The following DOCK8 variants were observed in gnomAD, a reference collection of about 807,000 sequenced individuals.
DOCK8 encodes the protein dedicator of cytokinesis 8.
In DOCK8, 141 loss-of-function variants were observed where a neutral mutation model predicts 245.6. That is an observed-to-expected ratio of 0.57 (90% CI 0.50 to 0.66). The LOEUF (loss-of-function observed/expected upper bound fraction) is 0.66, where lower values mean the gene tolerates loss of function less well. Ranked by LOEUF, DOCK8 falls within the 30% of genes least tolerant of loss-of-function variation. The pLI is 0.00. For synonymous variants in DOCK8, 1,168 were observed against 970.2 expected (o/e 1.20, Z -3.79); for missense variants, 2,965 against 2,603.4 (o/e 1.14, Z -3.02).
At chr9:452,221 A>T in intron 46 of DOCK8, 104 bp downstream of exon 46, 1 of 752,628 alleles carries the variant, frequency 1.3e-6, no homozygotes, top group Non-Finnish European at 2.3e-6. Context: ...AGAAAGACAA[A>T]GTCTCAGGCA....
intron 2 of DOCK8, among the ~76,000 whole-genome samples, chr9:279,859 G>A (rs950154276): frequency 3.3e-5 from 5 of 152,202 alleles, no homozygotes; most frequent in Non-Finnish European, 7.4e-5. Context: ...AGCCTCCCCA[G>A]TGCTGTAACG....
In DOCK8 at chr9:447,751, T is replaced by C. The variant is rs117883553; in HGVS notation, c.5817+1145T>C. 2.8e-3 allele frequency among the ~76,000 whole-genome samples: 419 copies of C among 152,292 alleles called. 5 individuals are homozygous for C. Among genetic ancestry groups the C allele is most frequent in the Non-Finnish European group, 4.4e-3 (302 of 68,022 alleles). ...ACAAACACAGATGAATTGTGGTGAATATATACCTCATCAGGCAGAAGCAGA... is the reference window on the plus strand; with the variant it reads ...ACAAACACAGATGAATTGTGGTGAACATATACCTCATCAGGCAGAAGCAGA... On this transcript the variant is annotated intron_variant, in intron 44 of 47. Coordinates refer to ENST00000432829, the MANE Select transcript of DOCK8 (RefSeq NM_203447.4).
chr9:273,080 G>GT, intron 2 of DOCK8: 1 of 985,398 alleles, frequency 1.0e-6, no homozygotes, highest in Non-Finnish European at 1.2e-6. Flanking sequence ...TACGCGCCGT[G>GT]TAACTGTGAA....
At chr9:220,017 A>G (rs2046847580) in intron 1 of DOCK8, among the ~76,000 whole-genome samples, 1 of 152,246 alleles carries the variant, frequency 6.6e-6, no homozygotes, top group Admixed American at 6.5e-5. Flanking sequence ...GCATAAAAAT[A>G]TATGTATTCA....
rs769027084 is a variant in DOCK8 at position 334,317 on chromosome 9, A to G, written c.1218A>G (p.Ile406Met). ...KYRMPFAWAP[I>M]SLSSFFNVST... ...GGATGCCCTTTGCCTGGGCACCCAT[A>G]AGCTTATCAAGCTTCTTCAATGTCT... Residue 406 changes from isoleucine (I) to methionine (M), a missense_variant, in exon 11 of 48, where the codon ATA becomes ATG. Transcript: ENST00000432829. 1.4e-5 allele frequency: 22 copies of G among 1,614,020 alleles called. No homozygotes were observed. In the Admixed American group the frequency reaches 3.3e-4, roughly 24 times the overall value.
At chr9:368,218 T>A in intron 15 of DOCK8, 83 bp downstream of exon 15, 1 of 1,175,184 alleles carries the variant, frequency 8.5e-7, no homozygotes, top group Non-Finnish European at 1.3e-6. Context: ...GACTCATCAG[T>A]GTACAAAGTC....
intron 9 of DOCK8, 91 bp from the exon 10 acceptor site, chr9:332,307 A>C: frequency 1.1e-6 from 1 of 878,300 alleles, no homozygotes; most frequent in East Asian, 2.6e-5. Context: ...GTCATCAAAT[A>C]TTGTCATAAA....
intron 21 of DOCK8, 92 bp downstream of exon 21, chr9:380,027 G>T: frequency 1.4e-6 from 2 of 1,453,062 alleles, no homozygotes; most frequent in African/African-American, 1.4e-5. Context: ...ATCCTATGCT[G>T]GGTGCAGGGG....
intron 4 of DOCK8, among the ~76,000 whole-genome samples, chr9:292,511 A>G (rs759447664): frequency 1.7e-4 from 24 of 144,588 alleles, no homozygotes; most frequent in Non-Finnish European, 3.5e-4. Context: ...CTTTTTTTTC[A>G]TTTTCTTTTA....
At chr9:389,036 A>G (rs2054074706) in intron 23 of DOCK8, among the ~76,000 whole-genome samples, 1 of 152,208 alleles carries the variant, frequency 6.6e-6, no homozygotes, top group African/African-American at 2.4e-5. Context: ...CGTTTATTCC[A>G]GGTTTTGTGG....
chr9:334,243 A>C lies in DOCK8; in HGVS notation c.1144A>C (p.Lys382Gln), dbSNP rs1321626846. The C allele has an allele frequency of 1.2e-6, 2 of 1,614,092 alleles. No individual in the cohort carries two copies. Among genetic ancestry groups the C allele is most frequent in the African/African-American group, 2.7e-5 (2 of 74,942 alleles). Reference protein sequence around the residue: ...DGGKSKEKIEKLKLQAESFCQ... With the variant: ...DGGKSKEKIEQLKLQAESFCQ... ...CCTCCAGAGTAAAGAAAAGATTGAA[A>C]AACTAAAACTCCAAGCTGAATCCTT... The change falls in exon 11 of 48, where the codon AAA becomes CAA. Residue 382 changes from lysine (K) to glutamine (Q), a missense_variant. This residue lies in a region of DOCK8 where 2,825 missense variants were observed against 2,453.5 expected (regional missense o/e 1.15). Coordinates refer to ENST00000432829, the MANE Select transcript of DOCK8 (RefSeq NM_203447.4).
At chr9:283,266 C>A (rs2048667615) in intron 2 of DOCK8, among the ~76,000 whole-genome samples, 1 of 152,158 alleles carries the variant, frequency 6.6e-6, no homozygotes, top group Non-Finnish European at 1.5e-5. Flanking sequence ...CATCCCTAGT[C>A]CGAAAATGCA....
In DOCK8 at chr9:316,004, C is replaced by A. The variant is rs148667976; in HGVS notation, c.742-1039C>A. Among the ~76,000 whole-genome samples, 84 of 151,420 alleles carry A rather than the reference C, an allele frequency of 5.5e-4. No homozygotes were observed. In the East Asian group the frequency reaches 0.013, roughly 23 times the overall value. On this transcript the variant is annotated intron_variant, in intron 6 of 47. Transcript: ENST00000432829. Reference sequence around the variant, plus strand: ...CTGAAATAAACTCAGCCATTCCACCCAGCAACATGGCCAACCGCCGTAACC... The same window carrying A: ...CTGAAATAAACTCAGCCATTCCACCAAGCAACATGGCCAACCGCCGTAACC...
intron 5 of DOCK8, among the ~76,000 whole-genome samples, chr9:310,171 G>T (rs2050031648): frequency 6.6e-6 from 1 of 151,944 alleles, no homozygotes; most frequent in Non-Finnish European, 1.5e-5. Flanking sequence ...GGAGGCTGAG[G>T]CAAAAGAATC....
At chr9:289,389 C>G in intron 3 of DOCK8, 121 bp from the exon 4 acceptor site, 1 of 781,002 alleles carries the variant, frequency 1.3e-6, no homozygotes, top group Non-Finnish European at 2.2e-6. Flanking sequence ...TGGGCAAGAA[C>G]ATCCTAAGCA....
chr9:285,597 C>T (rs2048789991), intron 2 of DOCK8, among the ~76,000 whole-genome samples: 1 of 152,060 alleles, frequency 6.6e-6, no homozygotes, highest in South Asian at 2.1e-4. Context: ...GGTGGTCATT[C>T]CTAAGTCTTT....
chr9:297,016 C>T (rs760466532), intron 4 of DOCK8, among the ~76,000 whole-genome samples: 8 of 152,144 alleles, frequency 5.3e-5, no homozygotes, highest in African/African-American at 9.7e-5. Flanking sequence ...TATTCTGGAC[C>T]TCCTCGGCTA....
chr9:386,504 G>A (rs2131325949), intron 23 of DOCK8, 78 bp downstream of exon 23: 1 of 1,318,682 alleles, frequency 7.6e-7, no homozygotes, highest in Non-Finnish European at 1.1e-6. Context: ...CTGTGCTTGG[G>A]AATAGTCAAA....
At chr9:254,311 T>C (rs1325265127) in intron 1 of DOCK8, among the ~76,000 whole-genome samples, 1 of 152,192 alleles carries the variant, frequency 6.6e-6, no homozygotes, top group Non-Finnish European at 1.5e-5. Flanking sequence ...GCAGATAATA[T>C]GAGGCCAGAA....
Sources: gnomAD v4.1 joint callset for allele counts (sites outside exome capture counted in the v4.1 genomes callset) on GRCh38, gnomAD v4.1.1 for gene constraint, gnomAD v4.1.1 regional missense constraint, MANE v1.5 for transcripts, NCBI Gene and HGNC (gene_info 2026-07-23, HGNC 2026-07-21) for gene names.